Variants in PCNX2 observed in about 807,000 individuals in gnomAD.
PCNX2 encodes pecanex-like protein 2.
A neutral mutation model predicts 223.8 loss-of-function variants in PCNX2; 168 were observed. That is an observed-to-expected ratio of 0.75 (90% CI 0.66 to 0.85). PCNX2 has a LOEUF of 0.85. Ranked by LOEUF, PCNX2 falls within the 40% of genes least tolerant of loss-of-function variation. The pLI is 0.00. For synonymous variants in PCNX2, 1,006 were observed against 1,052.6 expected (o/e 0.96, Z 0.86); for missense variants, 2,507 against 2,675.5 (o/e 0.94, Z 1.39).
chr1:233,196,426 G>A (rs200164060), intron 15 of PCNX2, among the ~76,000 whole-genome samples: 1 of 150,548 alleles, frequency 6.6e-6, no homozygotes, highest in African/African-American at 2.4e-5. Context: ...AAAATGAGAA[G>A]ACAAGCCACA....
At chr1:233,175,063 C>T (rs1320501626) in intron 17 of PCNX2, among the ~76,000 whole-genome samples, 1 of 152,000 alleles carries the variant, frequency 6.6e-6, no homozygotes, top group East Asian at 1.9e-4. Context: ...TAATGAGGCT[C>T]CCTGAGGGGT....
At chr1:233,166,234 T>C (rs902814457) in intron 17 of PCNX2, among the ~76,000 whole-genome samples, 6 of 152,038 alleles carry the variant, frequency 3.9e-5, no homozygotes, top group African/African-American at 9.7e-5. Flanking sequence ...AACATCTTGA[T>C]ACTTTGCTGC....
At chr1:232,993,589 A>G (rs1029785735) in intron 32 of PCNX2, among the ~76,000 whole-genome samples, 1 of 152,220 alleles carries the variant, frequency 6.6e-6, no homozygotes, top group African/African-American at 2.4e-5. Context: ...CTGGGGAGGA[A>G]TTCAAGCTCG....
chr1:233,301,727 G>A, the PCNX2 span, among the ~76,000 whole-genome samples: 9 of 150,824 alleles, frequency 6.0e-5, no homozygotes, highest in Non-Finnish European at 1.0e-4. Flanking sequence ...AGAGATACTG[G>A]AAAATATGCT....
At chr1:233,277,261 G>A (rs891305960) in intron 1 of PCNX2, among the ~76,000 whole-genome samples, 8 of 152,198 alleles carry the variant, frequency 5.3e-5, no homozygotes, top group African/African-American at 1.2e-4. Context: ...GAGGCCTGGC[G>A]TGGCCTGCTA....
At chr1:233,112,715 A>AC in intron 21 of PCNX2, 3 of 644,114 alleles carry the variant, frequency 4.7e-6, no homozygotes, top group South Asian at 3.5e-5. Flanking sequence ...ATCTTTGAAC[A>AC]ATATAACTAA....
chr1:233,044,711 C>A (rs990758898), intron 25 of PCNX2, among the ~76,000 whole-genome samples: 1 of 151,922 alleles, frequency 6.6e-6, no homozygotes, highest in African/African-American at 2.4e-5. Flanking sequence ...TCTTGTCGCC[C>A]AGGCTGGGGT....
At chr1:233,041,892 C>T (rs68081221) in intron 25 of PCNX2, among the ~76,000 whole-genome samples, 29,389 of 152,060 alleles carry the variant, frequency 0.19, 3,809 homozygotes, top group African/African-American at 0.37. Flanking sequence ...CATAGGTGGC[C>T]GAGATAGTGA....
At position 233,015,421 on chromosome 1, in the gene PCNX2, G is replaced by A. The variant is rs374774421; in HGVS notation, c.4840-644C>T. Among the ~76,000 whole-genome samples the A allele has an allele frequency of 5.5e-4, 83 of 152,228 alleles. 1 individual carries two copies. The highest frequency in any genetic ancestry group is 1.7e-3 in the African/African-American group (72 of 41,552). ...TTTTTAAAAAATTAGCCAGGTGGCC[G>A]GGCGCGGTGGCTCACGCCTGTAATC... On this transcript the variant is annotated intron_variant, in intron 27 of 33. Coordinates refer to ENST00000258229, the MANE Select transcript of PCNX2 (RefSeq NM_014801.4).
intron 21 of PCNX2, among the ~76,000 whole-genome samples, chr1:233,097,984 T>C (rs1403479152): frequency 1.3e-5 from 2 of 152,112 alleles, no homozygotes; most frequent in Non-Finnish European, 2.9e-5. Context: ...CTAATCAAAC[T>C]CTATCAGAAA....
intron 13 of PCNX2, among the ~76,000 whole-genome samples, chr1:233,207,927 ACCG>A (rs1681573228): frequency 1.3e-5 from 2 of 151,458 alleles, no homozygotes; most frequent in African/African-American, 4.8e-5. Context: ...CCCAGCAGGC[ACCG>A]TAACAACCAT....
chr1:233,304,739 G>A, the PCNX2 span, among the ~76,000 whole-genome samples: 2 of 152,276 alleles, frequency 1.3e-5, no homozygotes, highest in East Asian at 3.9e-4. Flanking sequence ...TACGTTATTG[G>A]TATTGCAAAG....
intron 21 of PCNX2, among the ~76,000 whole-genome samples, chr1:233,117,594 C>A (rs1428393815): frequency 3.0e-4 from 44 of 146,304 alleles, no homozygotes; most frequent in Admixed American, 2.9e-3. Context: ...GAGTGAGACT[C>A]CGTCTAAAGA....
chr1:233,164,976 G>A (rs1678707854), intron 17 of PCNX2, among the ~76,000 whole-genome samples: 1 of 152,164 alleles, frequency 6.6e-6, no homozygotes, highest in Non-Finnish European at 1.5e-5. Flanking sequence ...GAAGACAATA[G>A]TAACAATATC....
At chr1:233,168,202 T>C (rs1235393974) in intron 17 of PCNX2, among the ~76,000 whole-genome samples, 3 of 152,132 alleles carry the variant, frequency 2.0e-5, no homozygotes, top group Non-Finnish European at 4.4e-5. Context: ...TTTCCCATTA[T>C]AGAATAACAC....
chr1:233,019,721 G>C (rs771101716), intron 26 of PCNX2, among the ~76,000 whole-genome samples: 2 of 151,772 alleles, frequency 1.3e-5, no homozygotes, highest in Non-Finnish European at 2.9e-5. Context: ...CGAGGGGACA[G>C]GGATGGCATT....
At chr1:233,182,640 C>G (rs1183576374) in intron 15 of PCNX2, among the ~76,000 whole-genome samples, 1 of 152,184 alleles carries the variant, frequency 6.6e-6, no homozygotes, top group African/African-American at 2.4e-5. Flanking sequence ...AGGATATACA[C>G]AGCAGCAAAA....
At chr1:233,236,243 G>A (rs893429608) in intron 9 of PCNX2, among the ~76,000 whole-genome samples, 15 of 151,898 alleles carry the variant, frequency 9.9e-5, no homozygotes, top group African/African-American at 3.1e-4. Context: ...TCATGTCTGC[G>A]TGTTTCACTA....
chr1:233,168,745 T>C (rs1388209025), intron 17 of PCNX2, among the ~76,000 whole-genome samples: 1 of 152,138 alleles, frequency 6.6e-6, no homozygotes, highest in East Asian at 1.9e-4. Context: ...TACTCTATCA[T>C]AGGTTGTAAG....
Sources: gnomAD v4.1 joint callset for allele counts (sites outside exome capture counted in the v4.1 genomes callset) on GRCh38, gnomAD v4.1.1 for gene constraint, MANE v1.5 for transcripts, NCBI Gene and HGNC (gene_info 2026-07-23, HGNC 2026-07-21) for gene names.